The following SMNDC1 variants were observed in gnomAD, a reference collection of about 807,000 sequenced individuals.
The protein encoded by SMNDC1 is survival of motor neuron-related-splicing factor 30.
SMNDC1 carries 5 observed loss-of-function variants against 29.2 expected under a neutral mutation model. The ratio of observed to expected loss-of-function variants is 0.17; its 90% confidence interval spans 0.09 to 0.36. The LOEUF (loss-of-function observed/expected upper bound fraction) is 0.36, where lower values mean the gene tolerates loss of function less well. Among genes scored for constraint, SMNDC1 ranks in the 10% least tolerant of loss-of-function variants. The pLI is 1.00. For synonymous variants in SMNDC1, 80 were observed against 89.9 expected, an observed-to-expected ratio of 0.89 and a Z score of 0.62; for missense variants, 142 against 268.5, an observed-to-expected ratio of 0.53 and a Z score of 3.29.
rs1857521700 is a variant in SMNDC1 at position 110,293,400 on chromosome 10, A to G, written c.*750T>C. On this transcript the variant is annotated 3_prime_UTR_variant, in exon 6 of 6. Transcript: ENST00000369603. Reference sequence around the variant, plus strand: ...ATCTACACTGTATACAGGGCTATACATCAGCTTTTTGTTCTCCCATATAAA... The same window carrying G: ...ATCTACACTGTATACAGGGCTATACGTCAGCTTTTTGTTCTCCCATATAAA... The G allele has an allele frequency of 6.6e-6, 1 of 152,664 alleles. No individual in the cohort carries two copies. The highest frequency in any genetic ancestry group is 2.4e-5 in the African/African-American group (1 of 41,468). The allele number at this position is 152,664 out of a possible 1,614,324, so 9.5% of individuals were successfully genotyped here. A position where few individuals can be genotyped will look rare whatever the true frequency, so the allele number is the denominator to read the frequency against.
intron 4 of SMNDC1, among the ~76,000 whole-genome samples, chr10:110,296,487 G>C (rs1035298805): frequency 6.6e-6 from 1 of 152,110 alleles, no homozygotes; most frequent in African/African-American, 2.4e-5. Flanking sequence ...AGCAACTTAA[G>C]TTTCAAAAAC....
At chr10:110,296,827 T>A (rs1242384380) in intron 4 of SMNDC1, among the ~76,000 whole-genome samples, 1 of 152,214 alleles carries the variant, frequency 6.6e-6, no homozygotes, top group Non-Finnish European at 1.5e-5. Flanking sequence ...CCACAGGGAT[T>A]TGTTACTTGT....
In SMNDC1 at chr10:110,297,671, G is replaced by C. The variant is rs757657191; in HGVS notation, c.321C>G (p.Thr107=). The change falls in exon 4 of 6, where the codon ACC becomes ACG. Residue 107 remains threonine, a synonymous_variant. Coordinates refer to ENST00000369603, the MANE Select transcript of SMNDC1 (RefSeq NM_005871.4). The part of the protein sequence containing the change: ...IDEENGTAAI[T]FAGYGNAEVT... ...CTTCAGCATTGCCATAACCAGCAAA[G>C]GTGATTGCAGCGGTGCCATTTTCTT... The C allele has an allele frequency of 6.2e-7, 1 of 1,613,974 alleles. No homozygotes were observed. Among genetic ancestry groups the C allele is most frequent in the East Asian group, 2.2e-5 (1 of 44,872 alleles).
At chr10:110,297,805 AAATT>A in intron 3 of SMNDC1, 77 bp from the exon 4 acceptor site, 1 of 1,218,522 alleles carries the variant, frequency 8.2e-7, no homozygotes, top group Non-Finnish European at 1.1e-6. Context: ...TGTAGTGATA[AAATT>A]ATTACATGTG....
intron 2 of SMNDC1, among the ~76,000 whole-genome samples, chr10:110,301,867 C>T (rs1305886146): frequency 1.3e-5 from 2 of 152,150 alleles, no homozygotes; most frequent in Non-Finnish European, 2.9e-5. Flanking sequence ...CTATGATGAT[C>T]ATGACATGGT....
intron 4 of SMNDC1, among the ~76,000 whole-genome samples, 163 bp downstream of exon 4, chr10:110,297,404 T>G (rs1857580298): frequency 1.3e-5 from 2 of 152,216 alleles, no homozygotes; most frequent in South Asian, 4.1e-4. Context: ...TTCACTTTAC[T>G]TAGGCACACT....
intron 3 of SMNDC1, among the ~76,000 whole-genome samples, chr10:110,298,286 G>A (rs1274878741): frequency 6.6e-6 from 1 of 152,154 alleles, no homozygotes; most frequent in Non-Finnish European, 1.5e-5. Flanking sequence ...ACCACACCCA[G>A]CGAAAAGATA....
At chr10:110,301,737 AAG>A (rs1259021595) in intron 2 of SMNDC1, among the ~76,000 whole-genome samples, 2 of 152,212 alleles carry the variant, frequency 1.3e-5, no homozygotes, top group Non-Finnish European at 2.9e-5. Flanking sequence ...GGTTATAGAA[AAG>A]AGGATACTTT....
chr10:110,303,458 C>T lies in SMNDC1; in HGVS notation c.120+10G>A, dbSNP rs2233931. The T allele has an allele frequency of 6.4e-6, 10 of 1,567,962 alleles. No individual in the cohort carries two copies. Among genetic ancestry groups the T allele is most frequent in the Admixed American group, 2.1e-5 (1 of 47,662 alleles). On this transcript the variant is annotated intron_variant, in intron 2 of 5. Transcript: ENST00000369603. ...ACAGAGAAAAAGTACAATTGTCTAC[C>T]CATACTTACTTGTAAATCTTTCTTC... is the stretch of plus-strand genomic sequence containing the variant.
intron 1 of SMNDC1, 151 bp from the exon 2 acceptor site, chr10:110,303,738 G>A (rs1857693579): frequency 3.1e-6 from 2 of 635,324 alleles, no homozygotes; most frequent in Non-Finnish European, 5.0e-6. Context: ...TTTACTCTCA[G>A]TTTAGACTTC....
chr10:110,298,199 G>A (rs1857594456), intron 3 of SMNDC1, among the ~76,000 whole-genome samples: 1 of 152,108 alleles, frequency 6.6e-6, no homozygotes, highest in Admixed American at 6.5e-5. Context: ...ATGTTGGTCA[G>A]GCTGCTCTCC....
At chr10:110,302,910 T>C (rs1326222879) in intron 2 of SMNDC1, among the ~76,000 whole-genome samples, 1 of 152,220 alleles carries the variant, frequency 6.6e-6, no homozygotes, top group Non-Finnish European at 1.5e-5. Context: ...ACAACTTTAC[T>C]GTAAAACCTA....
intron 4 of SMNDC1, among the ~76,000 whole-genome samples, chr10:110,295,981 C>T (rs1348096713): frequency 6.6e-6 from 1 of 152,044 alleles, no homozygotes; most frequent in Non-Finnish European, 1.5e-5. Flanking sequence ...ATAGCTGTTA[C>T]CAGTTGTTTT....
chr10:110,293,646 A>G lies in SMNDC1; in HGVS notation c.*504T>C, dbSNP rs551792014. 6.6e-6 allele frequency: 1 copy of G among 152,352 alleles called. No homozygotes were observed. Among genetic ancestry groups the G allele is most frequent in the South Asian group, 2.1e-4 (1 of 4,828 alleles). The allele number at this position is 152,352 out of a possible 1,614,324, so 9.4% of individuals were successfully genotyped here. On this transcript the variant is annotated 3_prime_UTR_variant, in exon 6 of 6. Transcript: ENST00000369603. ...TTATTGAGGAAAAACCTCAAAACAAACTTTGCCATTTACAAATTAACCTAT... is the reference window on the plus strand; with the variant it reads ...TTATTGAGGAAAAACCTCAAAACAAGCTTTGCCATTTACAAATTAACCTAT...
Position 110,292,714 on chromosome 10 carries a change from G to A in SMNDC1, c.*1436C>T, listed in dbSNP as rs1857512493. ...TGACCCTCCTGGGTTGAGAGGGGTG[G>A]GTGTGGAAGGGAGAGATGAAGAATT... On this transcript the variant is annotated 3_prime_UTR_variant, in exon 6 of 6. Coordinates refer to ENST00000369603, the MANE Select transcript of SMNDC1 (RefSeq NM_005871.4). 6.6e-6 allele frequency: 1 copy of A among 151,918 alleles called. No individual in the cohort carries two copies. The highest frequency in any genetic ancestry group is 1.5e-5 in the Non-Finnish European group (1 of 67,976). 9.4% of individuals were successfully genotyped at this position (151,918 alleles called of 1,614,324 possible). A position where few individuals can be genotyped will look rare whatever the true frequency, so the allele number is the denominator to read the frequency against.
rs1480690861 is a variant in SMNDC1, at chr10:110,292,679, G to C, written c.*1471C>G. On this transcript the variant is annotated 3_prime_UTR_variant, in exon 6 of 6. Coordinates refer to ENST00000369603, the MANE Select transcript of SMNDC1 (RefSeq NM_005871.4). ...CCTACCCTGTGGCCACGAATTATAT[G>C]AAGAAAAAGTGACCCTCCTGGGTTG... 2 of 152,066 alleles carry C rather than the reference G, an allele frequency of 1.3e-5. No homozygotes were observed. Among genetic ancestry groups the C allele is most frequent in the Admixed American group, 6.6e-5 (1 of 15,262 alleles). 9.4% of individuals were successfully genotyped at this position (152,066 alleles called of 1,614,324 possible).
rs931752029 is a variant in SMNDC1, at chr10:110,291,111, G to A, written c.*3039C>T. The A allele has an allele frequency of 1.3e-5, 2 of 152,156 alleles. No individual in the cohort carries two copies. Among genetic ancestry groups the A allele is most frequent in the African/African-American group, 2.4e-5 (1 of 41,422 alleles). The allele number at this position is 152,156 out of a possible 1,614,324, so 9.4% of individuals were successfully genotyped here. A position where few individuals can be genotyped will look rare whatever the true frequency, so the allele number is the denominator to read the frequency against. ...GTTTGACGCCTAGTCTTCATGATTA[G>A]GCTAAAAGGTAATTTTTCTTCATTT... On this transcript the variant is annotated 3_prime_UTR_variant, in exon 6 of 6. Transcript: ENST00000369603.
intron 3 of SMNDC1, among the ~76,000 whole-genome samples, 171 bp from the exon 4 acceptor site, chr10:110,297,899 A>C (rs1357229190): frequency 1.3e-5 from 2 of 152,220 alleles, no homozygotes; most frequent in South Asian, 4.1e-4. Flanking sequence ...GTTATCTGCT[A>C]TCAAAAAAGG....
intron 5 of SMNDC1, among the ~76,000 whole-genome samples, chr10:110,294,724 GTCCA>G (rs1301990972): frequency 6.6e-6 from 1 of 152,330 alleles, no homozygotes; most frequent in East Asian, 1.9e-4. Flanking sequence ...CAGAAGCCAT[GTCCA>G]TCAATGGAAG....
Sources: allele counts gnomAD v4.1 joint callset (sites outside exome capture counted in the v4.1 genomes callset), GRCh38; gene constraint gnomAD v4.1.1; transcripts MANE v1.5; gene names NCBI Gene and HGNC (gene_info 2026-07-23, HGNC 2026-07-21).